The following PDZD7 variants were observed in gnomAD, a reference collection of about 807,000 sequenced individuals.
PDZD7 encodes the protein PDZ domain-containing protein 7.
Under a neutral mutation model 84.7 loss-of-function variants are expected in PDZD7, and 72 were observed. That is an observed-to-expected ratio of 0.85 (90% CI 0.70 to 1.03). The LOEUF (loss-of-function observed/expected upper bound fraction) is 1.03. Among genes scored for constraint, PDZD7 ranks in the 50% least tolerant of loss-of-function variants. The pLI, the probability that PDZD7 is intolerant of heterozygous loss-of-function variation, is 0.00. For synonymous variants in PDZD7, 594 were observed against 580.7 expected (o/e 1.02, Z -0.33); for missense variants, 1,490 against 1,412.9 (o/e 1.05, Z -0.87).
intron 14 of PDZD7, 156 bp from the exon 15 acceptor site, chr10:101,011,039 TA>T (rs1451435229): frequency 7.1e-7 from 1 of 1,411,358 alleles, no homozygotes; most frequent in Non-Finnish European, 9.2e-7. Context: ...AGACATGTTC[TA>T]TTAGAATCGC....
chr10:101,023,464 T>C lies in PDZD7; in HGVS notation c.514A>G (p.Ile172Val). 6.2e-7 allele frequency: 1 copy of C among 1,614,096 alleles called. No homozygotes were observed. Among genetic ancestry groups the C allele is most frequent in the Non-Finnish European group, 8.5e-7 (1 of 1,180,010 alleles). Reference sequence around the variant, plus strand: ...GTGGTCTTCTCCTTGGAGAACTTGATGCCCGGCACACGGCCCATGCGCCGA... The same window carrying C: ...GTGGTCTTCTCCTTGGAGAACTTGACGCCCGGCACACGGCCCATGCGCCGA... ...MVRRMGRVPGIKFSKEKTTWV... is the reference protein window; with the variant it reads ...MVRRMGRVPGVKFSKEKTTWV... Residue 172 changes from isoleucine (I) to valine (V), a missense_variant, in exon 4 of 17, where the codon ATC becomes GTC. Physicochemically the swap from Ile to Val is conservative, Grantham distance 29. Transcript: ENST00000619208.
rs1187611942 is a variant in PDZD7, at chr10:101,009,289, G to A, written c.2679C>T (p.Ile893=). 1 of 1,535,924 alleles carries A rather than the reference G, an allele frequency of 6.5e-7. No homozygotes were observed. The highest frequency in any genetic ancestry group is 8.7e-7 in the Non-Finnish European group (1 of 1,146,852). ...TGAGGAAAGCGGCCCCCCCAGGGAA[G>A]ATCTTCTCTATCTTCACCATGGGCT... ...KVQPMVKIEK[I]FPGGAAFLSG... The change falls in exon 16 of 17, where the codon ATC becomes ATT. Residue 893 remains isoleucine, a synonymous_variant. Coordinates refer to ENST00000619208, the MANE Select transcript of PDZD7 (RefSeq NM_001195263.2).
intron 2 of PDZD7, among the ~76,000 whole-genome samples, chr10:101,026,035 A>C (rs953107232): frequency 2.0e-5 from 3 of 152,148 alleles, no homozygotes; most frequent in African/African-American, 7.2e-5. Flanking sequence ...ACCCCAGACC[A>C]CACCACACTG....
In PDZD7 at chr10:101,021,920, C is replaced by T. The variant is rs755167964; in HGVS notation, c.745G>A (p.Glu249Lys). The T allele has an allele frequency of 2.5e-6, 4 of 1,614,176 alleles. No homozygotes were observed. The South Asian group carries it at 4.4e-5, about 18-fold the overall frequency. The change falls in exon 6 of 17, where the codon GAG (glutamate) becomes AAG (lysine). Residue 249 changes from glutamate to lysine, a missense_variant. Transcript: ENST00000619208. ...SKVDHGGLAEENGIKVGDQVL... is the reference protein window; with the variant it reads ...SKVDHGGLAEKNGIKVGDQVL... Reference sequence around the variant, plus strand: ...TGGTCCCCCACCTTGATGCCATTCTCCTCGGCCAGCCCACCATGGTCCACT... The same window carrying T: ...TGGTCCCCCACCTTGATGCCATTCTTCTCGGCCAGCCCACCATGGTCCACT...
At chr10:101,022,899 AG>A (rs1853201844) in intron 4 of PDZD7, among the ~76,000 whole-genome samples, 2 of 151,870 alleles carry the variant, frequency 1.3e-5, no homozygotes, top group African/African-American at 2.4e-5. Context: ...CAACCTCTCA[AG>A]TAGCTGGGAT....
chr10:101,011,337 G>A (rs1247895464), intron 14 of PDZD7: 14 of 442,682 alleles, frequency 3.2e-5, no homozygotes, highest in Non-Finnish European at 4.6e-5. Context: ...CACCGCGCCC[G>A]GCCTAGAATT....
chr10:101,030,100 C>T lies in PDZD7; in HGVS notation c.120G>A (p.Thr40=), dbSNP rs1052912512. Residue 40 remains threonine, a synonymous_variant, in exon 2 of 17, where the codon ACG becomes ACA. Coordinates refer to ENST00000619208, the MANE Select transcript of PDZD7 (RefSeq NM_001195263.2). ...GTTGTTGCTTCCTTAGCAGGTATCG[C>T]GTTGCGGTGGAGCCTGAGTCGCTGC... is the stretch of plus-strand genomic sequence containing the variant. ...HLGSDSGSTA[T]RYLLRKQQRL... The T allele has an allele frequency of 4.3e-6, 7 of 1,614,082 alleles. No homozygotes were observed. Among genetic ancestry groups the T allele is most frequent in the African/African-American group, 4.0e-5 (3 of 74,946 alleles).
At chr10:101,015,513 T>C in intron 11 of PDZD7, 123 bp downstream of exon 11, 2 of 1,156,422 alleles carry the variant, frequency 1.7e-6, no homozygotes, top group Non-Finnish European at 2.4e-6. Flanking sequence ...CTTCTGATTT[T>C]ACTGACCACT....
At chr10:101,021,236 A>G (rs945716619) in intron 6 of PDZD7, among the ~76,000 whole-genome samples, 1 of 152,122 alleles carries the variant, frequency 6.6e-6, no homozygotes, top group Admixed American at 6.5e-5. Flanking sequence ...ACCCCAAGTG[A>G]AGGCTTAGGG....
At position 101,020,612 on chromosome 10, in the gene PDZD7, A is replaced by G; in HGVS notation, c.928+6T>C. 6.2e-7 allele frequency: 1 copy of G among 1,612,740 alleles called. No homozygotes were observed. The highest frequency in any genetic ancestry group is 8.5e-7 in the Non-Finnish European group (1 of 1,178,992). On this transcript the variant is annotated splice_donor_region_variant and intron_variant, in intron 7 of 16. Coordinates refer to ENST00000619208, the MANE Select transcript of PDZD7 (RefSeq NM_001195263.2). ...CCTCCAACCTTGGGAGATCTGAGCC[A>G]CTTACGTCGGTCCAGCCAGCAGTAC...
At chr10:101,013,853 T>TTC (rs1852486026) in intron 11 of PDZD7, among the ~76,000 whole-genome samples, 1 of 132,310 alleles carries the variant, frequency 7.6e-6, no homozygotes, top group Non-Finnish European at 1.7e-5. Flanking sequence ...TTTTCTTTCT[T>TTC]TTTTTTTTTT....
At position 101,020,730 on chromosome 10, in the gene PDZD7, G is replaced by C. The variant is rs565411051; in HGVS notation, c.868-52C>G. On this transcript the variant is annotated intron_variant, in intron 6 of 16. Coordinates refer to ENST00000619208, the MANE Select transcript of PDZD7 (RefSeq NM_001195263.2). Reference sequence around the variant, plus strand: ...GGGAAGGGGGAGCAGTGAGGAGGGAGAGTGAGAATGGGGCGGGGGTGACAG... The same window carrying C: ...GGGAAGGGGGAGCAGTGAGGAGGGACAGTGAGAATGGGGCGGGGGTGACAG... The C allele has an allele frequency of 6.5e-5, 89 of 1,374,662 alleles. 1 individual carries two copies. The East Asian group carries it at 1.5e-3, about 24-fold the overall frequency. The allele number at this position is 1,374,662 out of a possible 1,614,324, so 85.2% of individuals were successfully genotyped here.
Position 101,021,159 on chromosome 10 carries a change from A to C in PDZD7, c.868-481T>G, listed in dbSNP as rs570149303. Among the ~76,000 whole-genome samples the C allele has an allele frequency of 6.0e-4, 92 of 152,088 alleles. 1 individual carries two copies. In the South Asian group the frequency reaches 7.1e-3, roughly 12 times the overall value. On this transcript the variant is annotated intron_variant, in intron 6 of 16. Transcript: ENST00000619208. ...TAATCTGAGAGGAAGGAAAAGGAAA[A>C]ATGGGATGGGGGAGAGGTAGAAATT...
At chr10:101,029,961 C>CA (rs1241437812) in intron 2 of PDZD7, 33 bp downstream of exon 2, 41 of 1,517,834 alleles carry the variant, frequency 2.7e-5, no homozygotes, top group Non-Finnish European at 3.4e-5. Flanking sequence ...CCACCCTCCC[C>CA]AACCCAGGCC....
chr10:101,030,768 C>A (rs1938109176), intron 1 of PDZD7: 1 of 113,814 alleles, frequency 8.8e-6, no homozygotes, highest in Non-Finnish European at 1.8e-5. Flanking sequence ...GGAGGTGGCC[C>A]GGGGTGGGGC....
rs954557753 is a variant in PDZD7 at position 101,007,818 on chromosome 10, T to A, written c.*649A>T. Reference sequence around the variant, plus strand: ...AACCCAAAGAAAAAATTAAAAAAAATTTTTTTGTTTAAAAATAATGTGAAT... The same window carrying A: ...AACCCAAAGAAAAAATTAAAAAAAAATTTTTTGTTTAAAAATAATGTGAAT... On this transcript the variant is annotated 3_prime_UTR_variant, in exon 17 of 17. Transcript: ENST00000619208. 2.9e-4 allele frequency: 81 copies of A among 278,536 alleles called. No homozygotes were observed. The highest frequency in any genetic ancestry group is 4.1e-4 in the African/African-American group (17 of 41,602). The allele number at this position is 278,536 out of a possible 1,614,324, so 17.3% of individuals were successfully genotyped here.
chr10:101,024,989 G>A (rs2134113598), intron 2 of PDZD7, among the ~76,000 whole-genome samples: 1 of 152,066 alleles, frequency 6.6e-6, no homozygotes, highest in Middle Eastern at 3.4e-3. Flanking sequence ...ATGGGGGATG[G>A]TTGAGGGTGT....
At chr10:101,029,170 C>T (rs1466816205) in intron 2 of PDZD7, among the ~76,000 whole-genome samples, 1 of 152,210 alleles carries the variant, frequency 6.6e-6, no homozygotes, top group Non-Finnish European at 1.5e-5. Context: ...AGCTGTTAGT[C>T]ACCTCACATC....
Position 101,011,925 on chromosome 10 carries a change from C to G in PDZD7, c.1933G>C (p.Val645Leu). The G allele has an allele frequency of 2.6e-6, 4 of 1,550,176 alleles. No homozygotes were observed. Among genetic ancestry groups the G allele is most frequent in the Non-Finnish European group, 3.5e-6 (4 of 1,146,984 alleles). ...AGAAGCCCCGCCCCCCACTGCTGACCTGCCCTGCTCTTGAGGGCCTCAAAA... is the reference window on the plus strand; with the variant it reads ...AGAAGCCCCGCCCCCCACTGCTGACGTGCCCTGCTCTTGAGGGCCTCAAAA... The part of the protein sequence containing the change: ...EAFEALKSRA[V>L]RPPALRPARQ... The change falls in exon 13 of 17, where the codon GTC becomes CTC. Residue 645 changes from valine to leucine, a missense_variant and splice_region_variant. Val to Leu is a conservative substitution (Grantham distance 32, BLOSUM62 1). Transcript: ENST00000619208.
Sources: allele counts gnomAD v4.1 joint callset (sites outside exome capture counted in the v4.1 genomes callset), GRCh38; gene constraint gnomAD v4.1.1; transcripts MANE v1.5; gene names NCBI Gene and HGNC (gene_info 2026-07-23, HGNC 2026-07-21).